Variants in THBS3 observed in about 807,000 individuals in gnomAD.
THBS3 encodes thrombospondin 3.
THBS3 carries 78 observed loss-of-function variants against 118.3 expected under a neutral mutation model. That is an observed-to-expected ratio of 0.66 (90% CI 0.55 to 0.80). The LOEUF is 0.80. Among genes scored for constraint, THBS3 ranks in the 30% least tolerant of loss-of-function variants. The pLI is 0.00. For synonymous variants in THBS3, 427 were observed against 475.3 expected (o/e 0.90, Z 1.32); for missense variants, 1,057 against 1,247.4 (o/e 0.85, Z 2.30).
At position 155,205,186 on chromosome 1, in the gene THBS3, T is replaced by C. The variant is rs1670371169; in HGVS notation, c.417A>G (p.Leu139=). Residue 139 remains leucine, a synonymous_variant, in exon 3 of 23, where the codon CTA becomes CTG. Coordinates refer to ENST00000368378, the MANE Select transcript of THBS3 (RefSeq NM_007112.5). ...LRGPSRPSPA[L]HLYVDCKLGD... is the part of the protein sequence containing the mutation. Reference sequence around the variant, plus strand: ...CCAGTTTGCAGTCCACGTAGAGATGTAGGGCAGGGCTGGGTCTGGAGGGAC... The same window carrying C: ...CCAGTTTGCAGTCCACGTAGAGATGCAGGGCAGGGCTGGGTCTGGAGGGAC... 6.2e-7 allele frequency: 1 copy of C among 1,614,212 alleles called. No individual in the cohort carries two copies. The highest frequency in any genetic ancestry group is 8.5e-7 in the Non-Finnish European group (1 of 1,180,036).
Position 155,201,429 on chromosome 1 carries a change from T to C in THBS3, c.1317A>G (p.Ala439=), listed in dbSNP as rs1051617149. The change falls in exon 11 of 23, where the codon GCA becomes GCG. Residue 439 remains alanine (A), a synonymous_variant. Coordinates refer to ENST00000368378, the MANE Select transcript of THBS3 (RefSeq NM_007112.5). ...HAHCLFERNG[A]VSCQCNVGWA... is the part of the protein sequence containing the mutation. ...AAGCCTAGCTCACCTGGCAGGACAC[T>C]GCACCATTGCGTTCAAAGAGACAGT... 3 of 1,607,590 alleles carry C rather than the reference T, an allele frequency of 1.9e-6. No individual in the cohort carries two copies. Among genetic ancestry groups the C allele is most frequent in the African/African-American group, 2.7e-5 (2 of 74,986 alleles).
Position 155,204,849 on chromosome 1 carries a change from TGTTACCTGCACTGTGGATGGACTC to T in THBS3, c.628_646+5del, listed in dbSNP as rs749486155. 1.2e-6 allele frequency: 2 copies of T among 1,613,528 alleles called. No homozygotes were observed. The highest frequency in any genetic ancestry group is 1.7e-6 in the Non-Finnish European group (2 of 1,179,772). On this transcript the variant is annotated splice_donor_variant and splice_donor_5th_base_variant and coding_sequence_variant and intron_variant, in exon 4 of 23. Transcript: ENST00000368378. LOFTEE classifies it high-confidence loss of function. Reference sequence around the variant, plus strand: ...TCCAATGTCAGCAAACAAGTCTCTGTGTTACCTGCACTGTGGATGGACTCGTCCCCTTGGAATGGACACTCACTC... The same window carrying T: ...TCCAATGTCAGCAAACAAGTCTCTGTGTCCCCTTGGAATGGACACTCACTC...
At position 155,202,912 on chromosome 1, in the gene THBS3, C is replaced by G; in HGVS notation, c.857G>C (p.Gly286Ala). The G allele has an allele frequency of 1.2e-6, 2 of 1,613,974 alleles. No homozygotes were observed. The highest frequency in any genetic ancestry group is 1.7e-6 in the Non-Finnish European group (2 of 1,180,036). The change falls in exon 8 of 23, where the codon GGT (glycine) becomes GCT (alanine). Residue 286 changes from glycine (G) to alanine (A), a missense_variant. Gly to Ala is a moderately conservative substitution (Grantham distance 60). This residue lies in a region of THBS3 where 544 missense variants were observed against 715.6 expected (regional missense o/e 0.76). Transcript: ENST00000368378. This position sits in a 1 kb window ranked among gnomAD's most constrained non-coding sequence, Gnocchi z 5.5. ...SHCSPNPCFR[G>A]VDCMEVYEYP... ...CTCGTACACTTCCATGCAGTCCACA[C>G]CTCGGAAGCAGGGATTGGGGCTGCA...
At position 155,195,646 on chromosome 1, in the gene THBS3, T is replaced by C. The variant is rs1668543807; in HGVS notation, c.*195A>G. The C allele has an allele frequency of 1.7e-6, 1 of 593,752 alleles. No individual in the cohort carries two copies. The allele number at this position is 593,752 out of a possible 1,614,324, so 36.8% of individuals were successfully genotyped here. A position where few individuals can be genotyped will look rare whatever the true frequency, so the allele number is the denominator to read the frequency against. On this transcript the variant is annotated 3_prime_UTR_variant, in exon 23 of 23. Coordinates refer to ENST00000368378, the MANE Select transcript of THBS3 (RefSeq NM_007112.5). ...TGTCATCTTTCCTGGGGTTAGTGCC[T>C]GAGTAATACCCCTTGAAAACTTCTC...
chr1:155,207,113 G>A (rs1380717905), intron 1 of THBS3, among the ~76,000 whole-genome samples: 1 of 152,124 alleles, frequency 6.6e-6, no homozygotes. Context: ...TCCACTCCTG[G>A]GTTTGGCTCG....
rs969444043 is a variant in THBS3 at position 155,195,715 on chromosome 1, C to A, written c.*126G>T. ...TGACCACCCCTCTGGGACTGAACTC[C>A]TTTTGGGAGCCAGAGAAGGGTCTGT... On this transcript the variant is annotated 3_prime_UTR_variant, in exon 23 of 23. Transcript: ENST00000368378. The A allele has an allele frequency of 1.8e-6, 2 of 1,084,588 alleles. No homozygotes were observed. Among genetic ancestry groups the A allele is most frequent in the South Asian group, 2.9e-5 (2 of 69,750 alleles). 67.2% of individuals were successfully genotyped at this position (1,084,588 alleles called of 1,614,324 possible). A position where few individuals can be genotyped will look rare whatever the true frequency, so the allele number is the denominator to read the frequency against.
intron 15 of THBS3, 35 bp from the exon 16 acceptor site, chr1:155,199,891 T>C: frequency 6.2e-7 from 1 of 1,614,098 alleles, no homozygotes; most frequent in Non-Finnish European, 8.5e-7. Flanking sequence ...CCATCTCCTC[T>C]TGATAACTCT....
chr1:155,204,841 A>C lies in THBS3; in HGVS notation c.646+14T>G, dbSNP rs1474309594. The C allele has an allele frequency of 6.2e-7, 1 of 1,612,400 alleles. No homozygotes were observed. Among genetic ancestry groups the C allele is most frequent in the Non-Finnish European group, 8.5e-7 (1 of 1,178,630 alleles). ...ATCCGTGGTCCAATGTCAGCAAACA[A>C]GTCTCTGTGTTACCTGCACTGTGGA... On this transcript the variant is annotated intron_variant, in intron 4 of 22. Transcript: ENST00000368378.
rs764920607 is a variant in THBS3 at position 155,203,123 on chromosome 1, G to C, written c.771C>G (p.Ser257=). 2 of 1,614,196 alleles carry C rather than the reference G, an allele frequency of 1.2e-6. No individual in the cohort carries two copies. The highest frequency in any genetic ancestry group is 1.7e-6 in the Non-Finnish European group (2 of 1,180,030). ...ACTCCATAATGGTGTTTCGGATCAGGGACATTTCCTTCACCTGGAGAAGGA... is the reference window on the plus strand; with the variant it reads ...ACTCCATAATGGTGTTTCGGATCAGCGACATTTCCTTCACCTGGAGAAGGA... ...DDIRDQVKEM[S]LIRNTIMECQ... is the part of the protein sequence containing the mutation. Residue 257 remains serine, a synonymous_variant, in exon 7 of 23, where the codon TCC becomes TCG. Coordinates refer to ENST00000368378, the MANE Select transcript of THBS3 (RefSeq NM_007112.5).
Position 155,206,906 on chromosome 1 carries a change from T to C in THBS3, c.80-500A>G, listed in dbSNP as rs1670631550. Among the ~76,000 whole-genome samples, 3 of 152,092 alleles carry C rather than the reference T, an allele frequency of 2.0e-5. No individual in the cohort carries two copies. The highest frequency in any genetic ancestry group is 1.3e-4 in the Admixed American group (2 of 15,272). On this transcript the variant is annotated intron_variant, in intron 1 of 22. Transcript: ENST00000368378. The surrounding 1 kb of genome is among the most constrained non-coding windows in gnomAD (Gnocchi z 4.2). ...TGTTGCTCTCAGAGGACAGAGGCAC[T>C]GTGCCTTCCTTTCCCCATTATTGCC... is the stretch of plus-strand genomic sequence containing the variant.
rs962491047 is a variant in THBS3, at chr1:155,206,932, T to C, written c.80-526A>G. Among the ~76,000 whole-genome samples, 4 of 152,098 alleles carry C rather than the reference T, an allele frequency of 2.6e-5. No individual in the cohort carries two copies. Among genetic ancestry groups the C allele is most frequent in the Non-Finnish European group, 4.4e-5 (3 of 68,006 alleles). On this transcript the variant is annotated intron_variant, in intron 1 of 22. Coordinates refer to ENST00000368378, the MANE Select transcript of THBS3 (RefSeq NM_007112.5). The surrounding 1 kb of genome is among the most constrained non-coding windows in gnomAD (Gnocchi z 4.2). ...GTGCCTTCCTTTCCCCATTATTGCCTATTACTACCTTCCAGGAACCTGCAG... is the reference window on the plus strand; with the variant it reads ...GTGCCTTCCTTTCCCCATTATTGCCCATTACTACCTTCCAGGAACCTGCAG...
intron 21 of THBS3, among the ~76,000 whole-genome samples, chr1:155,196,639 AACCG>A (rs1668721316): frequency 6.6e-6 from 1 of 152,198 alleles, no homozygotes; most frequent in Non-Finnish European, 1.5e-5. Flanking sequence ...CAAAGTGTTG[AACCG>A]AGGCCTGTGA....
rs1422917151 is a variant in THBS3 at position 155,202,383 on chromosome 1, A to G, written c.976T>C (p.Cys326Arg). Residue 326 changes from cysteine (C) to arginine (R), a missense_variant, in exon 9 of 23, where the codon TGT becomes CGT. Transcript: ENST00000368378. This position sits in a 1 kb window ranked among gnomAD's most constrained non-coding sequence, Gnocchi z 5.5. ...TTGATGCAGCTGGAGCCCGGGAAACAGGGGTCAGCGTGAGCACACTGGGGA... is the reference window on the plus strand; with the variant it reads ...TTGATGCAGCTGGAGCCCGGGAAACGGGGGTCAGCGTGAGCACACTGGGGA... ...DINECAHADP[C>R]FPGSSCINTM... 2 of 1,613,550 alleles carry G rather than the reference A, an allele frequency of 1.2e-6. No homozygotes were observed. Among genetic ancestry groups the G allele is most frequent in the Non-Finnish European group, 1.7e-6 (2 of 1,179,634 alleles).
chr1:155,203,116 G>A lies in THBS3; in HGVS notation c.778C>T (p.Arg260Ter), dbSNP rs761818502. The A allele has an allele frequency of 1.2e-5, 20 of 1,614,204 alleles. No homozygotes were observed. The highest frequency in any genetic ancestry group is 3.3e-5 in the South Asian group (3 of 91,080). Residue 260 changes from arginine to a stop codon, truncating the protein, a stop_gained, in exon 7 of 23, where the codon CGA becomes TGA. Transcript: ENST00000368378. LOFTEE classifies it high-confidence loss of function. ...RDQVKEMSLI[R>*]NTIMECQVCG... ...ACCTGACACTCCATAATGGTGTTTCGGATCAGGGACATTTCCTTCACCTGG... is the reference window on the plus strand; with the variant it reads ...ACCTGACACTCCATAATGGTGTTTCAGATCAGGGACATTTCCTTCACCTGG...
At chr1:155,207,077 C>G (rs758560425) in intron 1 of THBS3, among the ~76,000 whole-genome samples, 2 of 152,176 alleles carry the variant, frequency 1.3e-5, no homozygotes, top group Admixed American at 1.3e-4. Flanking sequence ...GTGTCCACAA[C>G]GTAGAAATGG....
Position 155,196,115 on chromosome 1 carries a change from T to C in THBS3, c.2684A>G (p.Tyr895Cys), listed in dbSNP as rs756201460. ...ATCCGCCACAAGCTGGGGTCCCTCA[T>C]AGAGCTTCACCCTGTCCAGGATTCC... ...PQVGYIRVKLYEGPQLVADSG... is the reference protein window; with the variant it reads ...PQVGYIRVKLCEGPQLVADSG... The change falls in exon 22 of 23, where the codon TAT becomes TGT. Residue 895 changes from tyrosine to cysteine, a missense_variant. Transcript: ENST00000368378. 2.5e-6 allele frequency: 4 copies of C among 1,614,112 alleles called. No individual in the cohort carries two copies. Among genetic ancestry groups the C allele is most frequent in the South Asian group, 1.1e-5 (1 of 91,080 alleles).
Position 155,204,664 on chromosome 1 carries a change from A to T in THBS3, c.646+191T>A. 3 of 602,868 alleles carry T rather than the reference A, an allele frequency of 5.0e-6. No individual in the cohort carries two copies. In the Admixed American group the frequency reaches 8.9e-5, roughly 18 times the overall value. 37.3% of individuals were successfully genotyped at this position (602,868 alleles called of 1,614,324 possible). ...AATTAACCAATTCTTCTCTTAGATC[A>T]CTTTTTTTCTCGGATGGGTGTATTG... On this transcript the variant is annotated intron_variant, in intron 4 of 22. Coordinates refer to ENST00000368378, the MANE Select transcript of THBS3 (RefSeq NM_007112.5).
rs753386580 is a variant in THBS3 at position 155,201,991 on chromosome 1, C to A, written c.1142G>T (p.Gly381Val). 2.5e-6 allele frequency: 4 copies of A among 1,614,016 alleles called. No individual in the cohort carries two copies. The South Asian group carries it at 3.3e-5, about 13-fold the overall frequency. The change falls in exon 10 of 23, where the codon GGC (glycine) becomes GTC (valine). Residue 381 changes from glycine to valine, a missense_variant. Physicochemically the swap from Gly to Val is moderately radical, Grantham distance 109 (BLOSUM62 -3). Around this residue, in one of 3 missense-constraint regions of THBS3, gnomAD observed 544 missense variants for 715.6 expected, o/e 0.76. Coordinates refer to ENST00000368378, the MANE Select transcript of THBS3 (RefSeq NM_007112.5). ...IDECNDGNNG[G>V]CDPNSICTNT... ...GGTGCAGATGGAGTTTGGGTCACAG[C>A]CACCATTGTTGCCATCGTTGCATTC...
At chr1:155,203,436 G>C (rs1670091551) in intron 5 of THBS3, 77 bp downstream of exon 5, 2 of 1,597,980 alleles carry the variant, frequency 1.3e-6, no homozygotes, top group Non-Finnish European at 1.7e-6. Flanking sequence ...GACTGAAGAG[G>C]ACTTAGTTTC....
Sources: allele counts gnomAD v4.1 joint callset (sites outside exome capture counted in the v4.1 genomes callset), GRCh38; gene constraint gnomAD v4.1.1; regional missense constraint gnomAD v4.1.1; non-coding constraint Gnocchi (gnomAD v3.1); transcripts MANE v1.5; gene names NCBI Gene and HGNC (gene_info 2026-07-23, HGNC 2026-07-21).